Variants in MSR1 observed in about 807,000 individuals in gnomAD.
The protein encoded by MSR1 is macrophage scavenger receptor 1.
Under a neutral mutation model 47.2 loss-of-function variants are expected in MSR1, and 53 were observed. That is an observed-to-expected ratio of 1.12 (90% CI 0.90 to 1.41). The LOEUF (loss-of-function observed/expected upper bound fraction) is 1.41, where lower values mean the gene tolerates loss of function less well. Ranked by LOEUF, MSR1 falls within the 40% of genes most tolerant of loss-of-function variation. The pLI is 0.00. For synonymous variants in MSR1, 239 were observed against 185.6 expected (o/e 1.29, Z -2.34); for missense variants, 786 against 546.9 (o/e 1.44, Z -4.36).
chr8:16,117,581 C>T (rs768667681), intron 9 of MSR1, among the ~76,000 whole-genome samples: 2 of 152,112 alleles, frequency 1.3e-5, no homozygotes, highest in Non-Finnish European at 2.9e-5. Flanking sequence ...AATTTCCATA[C>T]ATTCTGGATT....
chr8:16,118,466 C>T (rs550519067), intron 9 of MSR1, among the ~76,000 whole-genome samples: 10 of 152,118 alleles, frequency 6.6e-5, no homozygotes, highest in Admixed American at 2.0e-4. Context: ...GGCTGGGTGG[C>T]GTGGCTCACA....
chr8:16,139,273 G>T, intron 8 of MSR1: 1 of 984,526 alleles, frequency 1.0e-6, no homozygotes, highest in Non-Finnish European at 1.2e-6. Flanking sequence ...TATACCAGCG[G>T]GGAAAAGCTA....
intron 8 of MSR1, among the ~76,000 whole-genome samples, chr8:16,142,350 C>CA (rs896568151): frequency 4.6e-5 from 7 of 151,234 alleles, no homozygotes; most frequent in Non-Finnish European, 8.9e-5. Flanking sequence ...AACAAACAAA[C>CA]AAAAAAACAA....
At chr8:16,190,723 C>CTTTTTTTTTTTTTT (rs772816603) in intron 1 of MSR1, among the ~76,000 whole-genome samples, 6 of 145,348 alleles carry the variant, frequency 4.1e-5, no homozygotes, top group Admixed American at 1.4e-4. Flanking sequence ...TTTTTTCTTT[C>CTTTTTTTTTTTTTT]TTTCTTTTTG....
At chr8:16,163,334 T>C (rs1467489777) in intron 5 of MSR1, among the ~76,000 whole-genome samples, 1 of 151,566 alleles carries the variant, frequency 6.6e-6, no homozygotes, top group Non-Finnish European at 1.5e-5. Flanking sequence ...TAAGTATTCA[T>C]TACAAGAGAC....
intron 1 of MSR1, among the ~76,000 whole-genome samples, chr8:16,184,261 C>A (rs927108271): frequency 3.3e-5 from 5 of 151,978 alleles, no homozygotes; most frequent in African/African-American, 1.2e-4. Context: ...ATTCAGGTAA[C>A]TTCCTGTCTC....
chr8:16,184,984 A>G (rs1801953347), intron 1 of MSR1, among the ~76,000 whole-genome samples: 1 of 152,080 alleles, frequency 6.6e-6, no homozygotes, highest in Non-Finnish European at 1.5e-5. Flanking sequence ...TGACAGGTGT[A>G]GTGGGCCAGA....
rs763562888 is a variant in MSR1, at chr8:16,164,181, A to T, written c.701T>A (p.Val234Glu). The T allele has an allele frequency of 6.2e-7, 1 of 1,612,244 alleles. No homozygotes were observed. Among genetic ancestry groups the T allele is most frequent in the Non-Finnish European group, 8.5e-7 (1 of 1,178,856 alleles). Residue 234 changes from valine (V) to glutamate (E), a missense_variant, in exon 5 of 10, where the codon GTG (valine) becomes GAG (glutamate). Transcript: ENST00000262101. ...TCCTTTTATTTCCTGTTCCAAATGC[A>T]CTTGTTCTTCTTTCATAGCCATAAT... is the stretch of plus-strand genomic sequence containing the variant. ...AEIMAMKEEQ[V>E]HLEQEIKGEV...
chr8:16,151,370 G>T lies in MSR1; in HGVS notation c.899-1059C>A, dbSNP rs74352114. On this transcript the variant is annotated intron_variant, in intron 6 of 9. Transcript: ENST00000262101. ...AAATAACTCTGTAAATGAAGCATAT[G>T]AGATACTTTCATAGAAATCAGGCAG... Among the ~76,000 whole-genome samples the T allele has an allele frequency of 6.7e-3, 1,023 of 152,242 alleles. 8 individuals are homozygous for T. The highest frequency in any genetic ancestry group is 0.023 in the African/African-American group (957 of 41,560).
At chr8:16,159,219 C>G (rs974260961) in intron 5 of MSR1, among the ~76,000 whole-genome samples, 2 of 151,750 alleles carry the variant, frequency 1.3e-5, no homozygotes, top group African/African-American at 4.8e-5. Flanking sequence ...TTGGTGCTTT[C>G]ATATCCTAGG....
chr8:16,122,843 CTTTTT>C (rs35560221), intron 8 of MSR1, among the ~76,000 whole-genome samples: 112 of 65,598 alleles, frequency 1.7e-3, no homozygotes, highest in African/African-American at 5.0e-3. Flanking sequence ...TATTCAAATT[CTTTTT>C]TTTTTTTTTT....
chr8:16,168,683 G>A lies in MSR1; in HGVS notation c.405C>T (p.Leu135=). The change falls in exon 4 of 10, where the codon CTC becomes CTT. Residue 135 remains leucine (L), a synonymous_variant. Coordinates refer to ENST00000262101, the MANE Select transcript of MSR1 (RefSeq NM_138715.3). ...IQHILDMEAN[L]MDTEHFQNFS... is the part of the protein sequence containing the mutation. ...AATTTTGGAAATGCTCTGTGTCCAT[G>A]AGGTTGGCTTCCATGTCTAAAATAT... 9 of 1,614,138 alleles carry A rather than the reference G, an allele frequency of 5.6e-6. No individual in the cohort carries two copies. The highest frequency in any genetic ancestry group is 7.6e-6 in the Non-Finnish European group (9 of 1,180,016).
intron 5 of MSR1, among the ~76,000 whole-genome samples, chr8:16,157,788 A>C (rs1801051981): frequency 6.6e-6 from 1 of 151,916 alleles, no homozygotes; most frequent in South Asian, 2.1e-4. Context: ...ACCATCACAC[A>C]GCTGGACTAT....
chr8:16,110,347 G>A, intron 9 of MSR1, 129 bp from the exon 10 acceptor site: 1 of 1,010,242 alleles, frequency 9.9e-7, no homozygotes, highest in Non-Finnish European at 1.5e-6. Flanking sequence ...TGCAAGTTCT[G>A]TGCTCTCTAG....
intron 5 of MSR1, among the ~76,000 whole-genome samples, chr8:16,158,528 A>G (rs73665234): frequency 0.043 from 6,489 of 152,006 alleles, 497 homozygotes; most frequent in African/African-American, 0.15. Context: ...TTTATTCATT[A>G]TGAGCATTAA....
intron 1 of MSR1, 60 bp from the exon 2 acceptor site, chr8:16,178,052 A>C: frequency 7.5e-7 from 1 of 1,326,124 alleles, no homozygotes; most frequent in Non-Finnish European, 1.1e-6. Flanking sequence ...GCTCTTTTGC[A>C]TAATGTTTTA....
intron 8 of MSR1, among the ~76,000 whole-genome samples, chr8:16,122,497 T>C (rs1215733367): frequency 6.6e-6 from 1 of 152,170 alleles, no homozygotes; most frequent in East Asian, 1.9e-4. Context: ...TCCAAACAAG[T>C]GAATGTAAGC....
chr8:16,151,862 T>C (rs1030409072), intron 6 of MSR1, among the ~76,000 whole-genome samples: 38 of 152,272 alleles, frequency 2.5e-4, no homozygotes, highest in African/African-American at 7.9e-4. Flanking sequence ...CTCATGCCCA[T>C]TGGGGTTCAA....
rs992309007 is a variant in MSR1, at chr8:16,153,180, G to C, written c.898+1884C>G. 2.6e-5 allele frequency among the ~76,000 whole-genome samples: 4 copies of C among 152,026 alleles called. No individual in the cohort carries two copies. The East Asian group carries it at 7.7e-4, about 29-fold the overall frequency. Reference sequence around the variant, plus strand: ...TTTAGTAGGCTCAAATGGATGTAGAGATGGGGAAGCAATAAACCTGCTCAG... The same window carrying C: ...TTTAGTAGGCTCAAATGGATGTAGACATGGGGAAGCAATAAACCTGCTCAG... On this transcript the variant is annotated intron_variant, in intron 6 of 9. Coordinates refer to ENST00000262101, the MANE Select transcript of MSR1 (RefSeq NM_138715.3).
Sources: gnomAD v4.1 joint callset for allele counts (sites outside exome capture counted in the v4.1 genomes callset) on GRCh38, gnomAD v4.1.1 for gene constraint, MANE v1.5 for transcripts, NCBI Gene and HGNC (gene_info 2026-07-23, HGNC 2026-07-21) for gene names.